GNAS-AS1: variants seen among roughly 807,000 people sequenced by gnomAD.
GNAS-AS1 encodes the protein GNAS antisense RNA 1.
At chr20:58,826,863 C>CTTTTTTTTTTGTTTTTTTTTTT (rs2085524177) in intron 4 of GNAS-AS1, 1 of 85,756 alleles carries the variant, frequency 1.2e-5, no homozygotes, top group Non-Finnish European at 2.2e-5. Context: ...CCATGCCTGG[C>CTTTTTTTTTTGTTTTTTTTTTT]TTTTTTTTTT....
Position 58,841,362 on chromosome 20 carries a change from A to G in GNAS-AS1, n.819+575T>C. On this transcript the variant is annotated intron_variant and non_coding_transcript_variant, in intron 4 of 4. Transcript: ENST00000424094. The surrounding 1 kb of genome is among the most constrained non-coding windows in gnomAD (Gnocchi z 5.0). The stretch of plus-strand genomic sequence containing the variant: ...GTGAGAGCAGCCGCGCTGTAGAGAC[A>G]CCGTTGAAATGTGCGGAAAGTAATC... 1 of 1,029,356 alleles carries G rather than the reference A, an allele frequency of 9.7e-7. No individual in the cohort carries two copies. The highest frequency in any genetic ancestry group is 1.2e-6 in the Non-Finnish European group (1 of 856,850). 63.8% of individuals were successfully genotyped at this position (1,029,356 alleles called of 1,614,324 possible).
At chr20:58,826,236 C>T in intron 4 of GNAS-AS1, 2 of 395,732 alleles carry the variant, frequency 5.1e-6, no homozygotes, top group Non-Finnish European at 4.5e-6. Flanking sequence ...TGTGACTGAA[C>T]ATATACATTT....
In GNAS-AS1 at chr20:58,841,397, A is replaced by T. The variant is rs2085719954; in HGVS notation, n.819+540T>A. 1 of 1,009,686 alleles carries T rather than the reference A, an allele frequency of 9.9e-7. No homozygotes were observed. The highest frequency in any genetic ancestry group is 1.2e-6 in the Non-Finnish European group (1 of 844,366). 62.5% of individuals were successfully genotyped at this position (1,009,686 alleles called of 1,614,324 possible). ...TGTGCGGAAAGTAATCTGAATGGGA[A>T]TGGGCGAGAACTCTAGAGACTGACC... On this transcript the variant is annotated intron_variant and non_coding_transcript_variant, in intron 4 of 4. Transcript: ENST00000424094. The surrounding 1 kb of genome is among the most constrained non-coding windows in gnomAD (Gnocchi z 5.0).
At chr20:58,829,788 A>AG (rs771460433) in intron 4 of GNAS-AS1, among the ~76,000 whole-genome samples, 9 of 152,188 alleles carry the variant, frequency 5.9e-5, no homozygotes, top group Non-Finnish European at 1.2e-4. Context: ...GGGGAAAAAA[A>AG]CAAAAGAACA....
In GNAS-AS1 at chr20:58,849,129, A is replaced by G. The variant is rs971271466; in HGVS notation, n.375-212T>C. Among the ~76,000 whole-genome samples, 4 of 152,060 alleles carry G rather than the reference A, an allele frequency of 2.6e-5. No homozygotes were observed. The East Asian group carries it at 5.8e-4, about 22-fold the overall frequency. On this transcript the variant is annotated intron_variant and non_coding_transcript_variant, in intron 1 of 4. Coordinates refer to ENST00000424094, the Ensembl canonical transcript of GNAS-AS1. ...AGTCTGGAGACATTTTTGGTTGTTA[A>G]AACTAAGGGGATGCTACTGGCATCT...
chr20:58,834,218 G>A (rs2085586920), intron 4 of GNAS-AS1: 1 of 152,278 alleles, frequency 6.6e-6, no homozygotes, highest in African/African-American at 2.4e-5. Flanking sequence ...AAGATAGGAT[G>A]TCCAGGACAG....
At chr20:58,835,294 G>T (rs2085595046) in intron 4 of GNAS-AS1, among the ~76,000 whole-genome samples, 1 of 152,100 alleles carries the variant, frequency 6.6e-6, no homozygotes, top group Non-Finnish European at 1.5e-5. Flanking sequence ...CGCTCACCAG[G>T]CAGGGCAGAA....
At chr20:58,833,352 G>A (rs770006426) in intron 4 of GNAS-AS1, among the ~76,000 whole-genome samples, 2 of 152,218 alleles carry the variant, frequency 1.3e-5, no homozygotes, top group Admixed American at 6.5e-5. Context: ...ACTTTTAGCC[G>A]AAACAATGGA....
chr20:58,818,994 A>G (rs1235886062), exon 5 of GNAS-AS1: 5 of 398,450 alleles, frequency 1.3e-5, no homozygotes, highest in Non-Finnish European at 2.2e-5. Flanking sequence ...TCTAATGGAC[A>G]TGTGCAGAAA....
At chr20:58,826,125 A>G (rs981324938) in intron 4 of GNAS-AS1, 3 of 398,568 alleles carry the variant, frequency 7.5e-6, no homozygotes, top group African/African-American at 2.1e-5. Flanking sequence ...GAGAACTTTC[A>G]GCACACTGAA....
intron 4 of GNAS-AS1, among the ~76,000 whole-genome samples, chr20:58,832,674 C>A (rs2085574976): frequency 6.6e-6 from 1 of 152,174 alleles, no homozygotes; most frequent in African/African-American, 2.4e-5. Context: ...ACAGAACCCA[C>A]AGAAGGCCAC....
At chr20:58,830,631 ACCGCC>A (rs1339156690) in intron 4 of GNAS-AS1, among the ~76,000 whole-genome samples, 1 of 113,536 alleles carries the variant, frequency 8.8e-6, no homozygotes, top group Non-Finnish European at 1.9e-5. Flanking sequence ...CATCACCACC[ACCGCC>A]ACACCACCAC....
In GNAS-AS1 at chr20:58,840,799, G is replaced by T; in HGVS notation, n.819+1138C>A. ...AGCCCACCCGCCGTGACGCGTCCCC[G>T]GAGTCCCCTTCCAAAAAGGGACCCA... On this transcript the variant is annotated intron_variant and non_coding_transcript_variant, in intron 4 of 4. Transcript: ENST00000424094. The surrounding 1 kb of genome is among the most constrained non-coding windows in gnomAD (Gnocchi z 6.0). The T allele has an allele frequency of 1.9e-6, 3 of 1,612,302 alleles. No homozygotes were observed. Among genetic ancestry groups the T allele is most frequent in the Non-Finnish European group, 2.5e-6 (3 of 1,179,956 alleles).
intron 4 of GNAS-AS1, chr20:58,839,275 G>T (rs531650913): frequency 1.3e-4 from 53 of 398,662 alleles, no homozygotes; most frequent in African/African-American, 9.0e-4. Flanking sequence ...GCTAAAGGTA[G>T]TTTCATGATT....
Position 58,841,425 on chromosome 20 carries a change from C to T in GNAS-AS1, n.819+512G>A, listed in dbSNP as rs2085722308. 1.0e-6 allele frequency: 1 copy of T among 993,208 alleles called. No homozygotes were observed. The highest frequency in any genetic ancestry group is 1.2e-6 in the Non-Finnish European group (1 of 834,820). The allele number at this position is 993,208 out of a possible 1,614,324, so 61.5% of individuals were successfully genotyped here. A position where few individuals can be genotyped will look rare whatever the true frequency, so the allele number is the denominator to read the frequency against. On this transcript the variant is annotated intron_variant and non_coding_transcript_variant, in intron 4 of 4. Coordinates refer to ENST00000424094, the Ensembl canonical transcript of GNAS-AS1. This position sits in a 1 kb window ranked among gnomAD's most constrained non-coding sequence, Gnocchi z 5.0. ...GGCGAGAACTCTAGAGACTGACCAC[C>T]CGGGAGGGAAGTCACGCGCGCGCGG... is the stretch of plus-strand genomic sequence containing the variant.
intron 4 of GNAS-AS1, among the ~76,000 whole-genome samples, chr20:58,835,954 C>T (rs994427034): frequency 1.1e-4 from 17 of 151,110 alleles, no homozygotes; most frequent in Non-Finnish European, 1.6e-4. Flanking sequence ...CTCCACAGGC[C>T]GCTGGGTCCA....
chr20:58,828,491 T>G (rs2085534494), intron 4 of GNAS-AS1, among the ~76,000 whole-genome samples: 1 of 152,166 alleles, frequency 6.6e-6, no homozygotes, highest in South Asian at 2.1e-4. Context: ...AGTCTAAGAG[T>G]GGCTTTACCA....
At chr20:58,824,587 T>C (rs1364681117) in intron 4 of GNAS-AS1, among the ~76,000 whole-genome samples, 2 of 152,154 alleles carry the variant, frequency 1.3e-5, no homozygotes, top group Admixed American at 1.3e-4. Flanking sequence ...TAAAATTTAG[T>C]ATTTAAAAAT....
Position 58,840,046 on chromosome 20 carries a change from T to C in GNAS-AS1, n.819+1891A>G. ...TTCCCGGCTCCAGCAGCCAATGTGC[T>C]TCGGAGCCACTCTCTGCAGAGCCAG... is the stretch of plus-strand genomic sequence containing the variant. On this transcript the variant is annotated intron_variant and non_coding_transcript_variant, in intron 4 of 4. Coordinates refer to ENST00000424094, the Ensembl canonical transcript of GNAS-AS1. The surrounding 1 kb of genome is among the most constrained non-coding windows in gnomAD (Gnocchi z 6.0). 6.3e-7 allele frequency: 1 copy of C among 1,583,392 alleles called. No individual in the cohort carries two copies. Among genetic ancestry groups the C allele is most frequent in the Middle Eastern group, 1.9e-4 (1 of 5,266 alleles).
Sources: allele counts gnomAD v4.1 joint callset (sites outside exome capture counted in the v4.1 genomes callset), GRCh38; gene constraint gnomAD v4.1.1; non-coding constraint Gnocchi (gnomAD v3.1); transcripts MANE v1.5; gene names NCBI Gene and HGNC (gene_info 2026-07-23, HGNC 2026-07-21).